The following INPP4B variants were observed in gnomAD, a reference collection of about 807,000 sequenced individuals.
INPP4B encodes the protein inositol polyphosphate 4-phosphatase type II.
Under a neutral mutation model 122.5 loss-of-function variants are expected in INPP4B, and 55 were observed. The ratio of observed to expected loss-of-function variants is 0.45; its 90% CI spans 0.36 to 0.56. The LOEUF is 0.56. Ranked by LOEUF, INPP4B falls within the 20% of genes least tolerant of loss-of-function variation. The probability of loss-of-function intolerance (pLI) is 0.00; values close to 1 mark genes in which losing one functional copy is unlikely to be tolerated. For missense variants in INPP4B, 1,000 were observed against 1,097.7 expected (o/e 0.91, Z 1.26); for synonymous variants, 403 against 388.7 (o/e 1.04, Z -0.43).
intron 19 of INPP4B, among the ~76,000 whole-genome samples, chr4:142,124,371 T>G (rs150623125): frequency 1.2e-3 from 190 of 152,264 alleles, no homozygotes; most frequent in Non-Finnish European, 2.4e-3. Context: ...GTTAGAGACT[T>G]GGCCATCTCT....
intron 1 of INPP4B, among the ~76,000 whole-genome samples, chr4:142,806,779 GAAAGAAGGAAAGA>G (rs1778836383): frequency 1.5e-5 from 1 of 65,172 alleles, no homozygotes; most frequent in Non-Finnish European, 3.5e-5. Context: ...AAGAAAGAAA[GAAAGAAGGAAAGA>G]AAGAAAGAAA....
chr4:142,059,331 C>A (rs933062703), intron 25 of INPP4B, among the ~76,000 whole-genome samples: 1 of 152,104 alleles, frequency 6.6e-6, no homozygotes, highest in African/African-American at 2.4e-5. Context: ...GTGCCCCATA[C>A]TTTTCTTAGG....
At chr4:142,448,292 T>C (rs1466945069) in intron 3 of INPP4B, among the ~76,000 whole-genome samples, 1 of 99,170 alleles carries the variant, frequency 1.0e-5, no homozygotes, top group African/African-American at 4.1e-5. Context: ...TGCTTAGATA[T>C]AAAGTGCCGA....
chr4:142,071,461 G>T (rs1165883614), intron 25 of INPP4B, among the ~76,000 whole-genome samples: 3 of 152,082 alleles, frequency 2.0e-5, no homozygotes, highest in Admixed American at 6.6e-5. Context: ...AAAAGCAATG[G>T]CAACAAAAGC....
chr4:142,190,113 G>A (rs879944269), intron 15 of INPP4B, among the ~76,000 whole-genome samples: 1 of 152,052 alleles, frequency 6.6e-6, no homozygotes, highest in Non-Finnish European at 1.5e-5. Context: ...AATAAACAAA[G>A]GTGAAATAGT....
At chr4:142,830,850 CAA>C (rs70949194) in intron 1 of INPP4B, among the ~76,000 whole-genome samples, 22,727 of 90,694 alleles carry the variant, frequency 0.25, 1,045 homozygotes, top group South Asian at 0.33. Flanking sequence ...GCTGTCTCTA[CAA>C]AAAAAAAAAA....
At chr4:142,044,413 G>A (rs1474108775) in intron 25 of INPP4B, among the ~76,000 whole-genome samples, 1 of 152,188 alleles carries the variant, frequency 6.6e-6, no homozygotes, top group African/African-American at 2.4e-5. Flanking sequence ...AAGTAAGTAT[G>A]TGTCAAATGC....
At chr4:142,615,380 G>A (rs2150353511) in intron 2 of INPP4B, among the ~76,000 whole-genome samples, 1 of 152,272 alleles carries the variant, frequency 6.6e-6, no homozygotes, top group East Asian at 1.9e-4. Flanking sequence ...GTTATAGGTG[G>A]ATTAAGAGAT....
intron 25 of INPP4B, among the ~76,000 whole-genome samples, chr4:142,046,637 T>C (rs1751621571): frequency 6.6e-6 from 1 of 152,104 alleles, no homozygotes; most frequent in Non-Finnish European, 1.5e-5. Flanking sequence ...GAAAAGCTGA[T>C]GGATCCTGAA....
chr4:142,639,085 T>C lies in INPP4B; in HGVS notation c.-191+86754A>G, dbSNP rs1560902663. On this transcript the variant is annotated intron_variant, in intron 2 of 25. Coordinates refer to ENST00000262992, the MANE Select transcript of INPP4B (RefSeq NM_001101669.3). ...CTGAAGTGTTGAATTACATTGACTG[T>C]TTTTTGAATGCTGACCTAGCCTTGT... Among the ~76,000 whole-genome samples, 3 of 152,200 alleles carry C rather than the reference T, an allele frequency of 2.0e-5. No individual in the cohort carries two copies. In the East Asian group the frequency reaches 5.8e-4, roughly 29 times the overall value.
chr4:142,465,206 A>T (rs1032083487), intron 2 of INPP4B, among the ~76,000 whole-genome samples: 10 of 152,212 alleles, frequency 6.6e-5, no homozygotes, highest in African/African-American at 9.6e-5. Flanking sequence ...ATGCAGAAAG[A>T]TCAACTGTCC....
chr4:142,793,906 G>A (rs958589092), intron 1 of INPP4B, among the ~76,000 whole-genome samples: 1 of 151,724 alleles, frequency 6.6e-6, no homozygotes, highest in African/African-American at 2.4e-5. Context: ...AAATATTAAA[G>A]GAAACTAAAC....
rs1743360029 is a variant in INPP4B at position 142,614,870 on chromosome 4, T to C, written c.-191+110969A>G. ...CATCTTACCCTAGTCAGAATGACTA[T>C]TACTAAAAAGTCAAAAAACAACAGA... On this transcript the variant is annotated intron_variant, in intron 2 of 25. Coordinates refer to ENST00000262992, the MANE Select transcript of INPP4B (RefSeq NM_001101669.3). 2.0e-5 allele frequency among the ~76,000 whole-genome samples: 3 copies of C among 152,080 alleles called. 1 individual carries two copies. The highest frequency in any genetic ancestry group is 4.4e-5 in the Non-Finnish European group (3 of 67,990).
chr4:142,667,060 G>A (rs1404640808), intron 2 of INPP4B, among the ~76,000 whole-genome samples: 1 of 152,096 alleles, frequency 6.6e-6, no homozygotes, highest in Admixed American at 6.5e-5. Flanking sequence ...TCTGGCATTT[G>A]AAAGCCTAAA....
At chr4:142,128,236 A>G (rs1245783854) in intron 18 of INPP4B, among the ~76,000 whole-genome samples, 1 of 151,882 alleles carries the variant, frequency 6.6e-6, no homozygotes, top group Non-Finnish European at 1.5e-5. Context: ...GTATATACAC[A>G]TATATATACG....
chr4:142,314,475 C>T (rs28406191), intron 8 of INPP4B, among the ~76,000 whole-genome samples: 2,273 of 152,214 alleles, frequency 0.015, 54 homozygotes, highest in African/African-American at 0.051. Flanking sequence ...AAAGTCTAGG[C>T]TCATCTCTAG....
At chr4:142,840,121 G>T (rs573055125) in intron 1 of INPP4B, among the ~76,000 whole-genome samples, 2 of 152,248 alleles carry the variant, frequency 1.3e-5, no homozygotes, top group South Asian at 4.1e-4. Flanking sequence ...AGCTGTCATT[G>T]TAACCAATAA....
At chr4:142,532,624 TAA>T (rs1164480392) in intron 2 of INPP4B, among the ~76,000 whole-genome samples, 1 of 152,160 alleles carries the variant, frequency 6.6e-6, no homozygotes, top group African/African-American at 2.4e-5. Flanking sequence ...CCCGCCAGAT[TAA>T]GATAGGACCT....
chr4:142,379,484 A>C (rs984904365), intron 7 of INPP4B, among the ~76,000 whole-genome samples: 1 of 152,138 alleles, frequency 6.6e-6, no homozygotes, highest in Non-Finnish European at 1.5e-5. Context: ...GGTACACATA[A>C]CTTTTTTCAG....
Sources: gnomAD v4.1 joint callset for allele counts (sites outside exome capture counted in the v4.1 genomes callset) on GRCh38, gnomAD v4.1.1 for gene constraint, MANE v1.5 for transcripts, NCBI Gene and HGNC (gene_info 2026-07-23, HGNC 2026-07-21) for gene names.